Variants in BMP5 observed in about 807,000 individuals in gnomAD.
The protein encoded by BMP5 is bone morphogenetic protein 5.
Under a neutral mutation model 46.6 loss-of-function variants are expected in BMP5, and 23 were observed. The ratio of observed to expected loss-of-function variants is 0.49; its 90% CI spans 0.35 to 0.70. The LOEUF (loss-of-function observed/expected upper bound fraction) is 0.70, where lower values mean the gene tolerates loss of function less well. BMP5 is among the 30% of genes least tolerant of loss of function. The probability of loss-of-function intolerance (pLI) is 0.00; values close to 1 mark genes in which losing one functional copy is unlikely to be tolerated. For missense variants in BMP5, 545 were observed against 565.6 expected (o/e 0.96, Z 0.37); for synonymous variants, 204 against 191.9 (o/e 1.06, Z -0.52).
chr6:55,784,110 T>G (rs1459254011), intron 3 of BMP5, among the ~76,000 whole-genome samples: 2 of 151,920 alleles, frequency 1.3e-5, no homozygotes, highest in African/African-American at 4.8e-5. Flanking sequence ...AAGCTAAGAC[T>G]TCCGAATTAA....
At chr6:55,756,802 T>G (rs2127514028) in intron 6 of BMP5, among the ~76,000 whole-genome samples, 1 of 152,132 alleles carries the variant, frequency 6.6e-6, no homozygotes, top group African/African-American at 2.4e-5. Context: ...CTTCATCAGC[T>G]TTATCTTCCA....
intron 1 of BMP5, among the ~76,000 whole-genome samples, chr6:55,845,081 T>C (rs1361506893): frequency 3.3e-5 from 5 of 152,062 alleles, no homozygotes; most frequent in Non-Finnish European, 7.4e-5. Context: ...ATTTGAAACA[T>C]ACTAAAATTT....
chr6:55,803,325 AC>A (rs970426003), intron 2 of BMP5, among the ~76,000 whole-genome samples: 1 of 152,168 alleles, frequency 6.6e-6, no homozygotes, highest in South Asian at 2.1e-4. Flanking sequence ...AAAAAAAAAA[AC>A]AGGAAGAAGT....
At chr6:55,764,013 C>T (rs945352672) in intron 4 of BMP5, among the ~76,000 whole-genome samples, 2 of 152,104 alleles carry the variant, frequency 1.3e-5, no homozygotes, top group African/African-American at 2.4e-5. Flanking sequence ...AACACTAGTA[C>T]ACTGTTGGTG....
intron 3 of BMP5, among the ~76,000 whole-genome samples, chr6:55,778,016 C>T (rs1296344839): frequency 6.6e-6 from 1 of 152,028 alleles, no homozygotes; most frequent in Non-Finnish European, 1.5e-5. Flanking sequence ...CTGTATTAGT[C>T]ATCAGCATTG....
intron 1 of BMP5, among the ~76,000 whole-genome samples, chr6:55,823,160 A>G (rs1396052044): frequency 6.6e-6 from 1 of 152,068 alleles, no homozygotes; most frequent in East Asian, 1.9e-4. Flanking sequence ...GTTTATTATA[A>G]ATCTTCGTTC....
In BMP5 at chr6:55,865,534, T is replaced by C. The variant is rs73450209; in HGVS notation, c.490+8842A>G. ...TAGACTGACCTTTTCCAAAGCACTC[T>C]AGTGGGGGAACAGAGTCCATCAGCT... On this transcript the variant is annotated intron_variant, in intron 1 of 6. Transcript: ENST00000370830. 1,381 of 388,186 alleles carry C rather than the reference T, an allele frequency of 3.6e-3. 22 individuals are homozygous for C. Among genetic ancestry groups the C allele is most frequent in the African/African-American group, 0.027 (1,244 of 46,128 alleles). The allele number at this position is 388,186 out of a possible 1,614,324, so 24.0% of individuals were successfully genotyped here.
chr6:55,832,435 C>T (rs1167075542), intron 1 of BMP5, among the ~76,000 whole-genome samples: 1 of 152,122 alleles, frequency 6.6e-6, no homozygotes, highest in Non-Finnish European at 1.5e-5. Flanking sequence ...AACTGTTAGG[C>T]AAATTAAGCC....
chr6:55,853,061 C>T (rs1053680562), intron 1 of BMP5, among the ~76,000 whole-genome samples: 1 of 151,264 alleles, frequency 6.6e-6, no homozygotes, highest in Non-Finnish European at 1.5e-5. Flanking sequence ...AACTGGGAAG[C>T]GGAGATTGCA....
intron 1 of BMP5, among the ~76,000 whole-genome samples, chr6:55,837,493 AT>A (rs950826025): frequency 6.6e-6 from 1 of 151,964 alleles, no homozygotes; most frequent in Non-Finnish European, 1.5e-5. Flanking sequence ...GTACTCCTTT[AT>A]TTTTTAAATT....
At chr6:55,841,783 C>T (rs1196130395) in intron 1 of BMP5, among the ~76,000 whole-genome samples, 1 of 152,092 alleles carries the variant, frequency 6.6e-6, no homozygotes, top group Non-Finnish European at 1.5e-5. Context: ...ACCCTAAAGG[C>T]TTTATGTTAA....
In BMP5 at chr6:55,758,992, A is replaced by G; in HGVS notation, c.1215+13T>C. 6.4e-7 allele frequency: 1 copy of G among 1,557,750 alleles called. No individual in the cohort carries two copies. Among genetic ancestry groups the G allele is most frequent in the Non-Finnish European group, 8.9e-7 (1 of 1,129,286 alleles). On this transcript the variant is annotated intron_variant, in intron 6 of 6. Coordinates refer to ENST00000370830, the MANE Select transcript of BMP5 (RefSeq NM_021073.4). Reference sequence around the variant, plus strand: ...TTCTAAGCTTTTCTTAATCCTTCAAAAACAAAGCTTACCAGAGTCTGAACT... The same window carrying G: ...TTCTAAGCTTTTCTTAATCCTTCAAGAACAAAGCTTACCAGAGTCTGAACT...
intron 1 of BMP5, among the ~76,000 whole-genome samples, chr6:55,847,112 G>A (rs1024954277): frequency 3.5e-4 from 53 of 151,754 alleles, no homozygotes; most frequent in African/African-American, 1.1e-3. Flanking sequence ...CTATTTTATC[G>A]ATGTAAAATA....
At chr6:55,811,705 C>T (rs1776139158) in intron 2 of BMP5, among the ~76,000 whole-genome samples, 1 of 151,890 alleles carries the variant, frequency 6.6e-6, no homozygotes, top group African/African-American at 2.4e-5. Context: ...CTCTCTTTCT[C>T]TCTCTCTCTC....
rs73450206 is a variant in BMP5 at position 55,863,214 on chromosome 6, C to T, written c.490+11162G>A. ...CTACTTCCTTGAGGGCTATATACTG[C>T]GGTAATTTAGATCAAACCACATAAC... On this transcript the variant is annotated intron_variant, in intron 1 of 6. Coordinates refer to ENST00000370830, the MANE Select transcript of BMP5 (RefSeq NM_021073.4). 8.2e-3 allele frequency among the ~76,000 whole-genome samples: 1,252 copies of T among 152,164 alleles called. 20 individuals are homozygous for T. Among genetic ancestry groups the T allele is most frequent in the African/African-American group, 0.027 (1,136 of 41,518 alleles).
chr6:55,757,094 A>AT (rs919564168), intron 6 of BMP5, among the ~76,000 whole-genome samples: 5 of 151,788 alleles, frequency 3.3e-5, no homozygotes, highest in East Asian at 1.9e-4. Context: ...TTTGTGTCAG[A>AT]TTTTTTTTAT....
chr6:55,823,692 T>C (rs1254417555), intron 1 of BMP5, among the ~76,000 whole-genome samples: 1 of 151,990 alleles, frequency 6.6e-6, no homozygotes, highest in Non-Finnish European at 1.5e-5. Flanking sequence ...AAGTTGACCT[T>C]GTTTCAGTGC....
At chr6:55,864,664 C>T (rs535848566) in intron 1 of BMP5, among the ~76,000 whole-genome samples, 4 of 152,208 alleles carry the variant, frequency 2.6e-5, no homozygotes, top group South Asian at 4.1e-4. Context: ...TATCTTCCAG[C>T]ATTTTATCAA....
At chr6:55,782,282 A>C (rs1320422872) in intron 3 of BMP5, among the ~76,000 whole-genome samples, 1 of 152,188 alleles carries the variant, frequency 6.6e-6, no homozygotes, top group Non-Finnish European at 1.5e-5. Flanking sequence ...ATAAAAAGTA[A>C]ATTTAAAAAT....
Sources: allele counts gnomAD v4.1 joint callset (sites outside exome capture counted in the v4.1 genomes callset), GRCh38; gene constraint gnomAD v4.1.1; transcripts MANE v1.5; gene names NCBI Gene and HGNC (gene_info 2026-07-23, HGNC 2026-07-21).